Variants in EPHA6 observed in about 807,000 individuals in gnomAD.
EPHA6 encodes the protein ephrin type-A receptor 6.
EPHA6 carries 50 observed loss-of-function variants against 112.0 expected under a neutral mutation model. That is an observed-to-expected ratio of 0.45 (90% CI 0.36 to 0.56). The LOEUF (loss-of-function observed/expected upper bound fraction) is 0.56, where lower values mean the gene tolerates loss of function less well. EPHA6 is among the 20% of genes least tolerant of loss of function. EPHA6 has a pLI of 0.00. For synonymous variants in EPHA6, 529 were observed against 490.7 expected, an observed-to-expected ratio of 1.08 and a Z score of -1.03; for missense variants, 1,280 against 1,417.4, an observed-to-expected ratio of 0.90 and a Z score of 1.56.
intron 3 of EPHA6, among the ~76,000 whole-genome samples, chr3:97,047,225 G>A (rs1373792627): frequency 6.6e-6 from 1 of 151,976 alleles, no homozygotes; most frequent in Admixed American, 6.6e-5. Flanking sequence ...CAGGGGCCGG[G>A]CACAGTGGCT....
chr3:97,086,238 A>G (rs547409057), intron 3 of EPHA6, among the ~76,000 whole-genome samples: 63 of 152,204 alleles, frequency 4.1e-4, no homozygotes, highest in African/African-American at 1.3e-3. Flanking sequence ...AATATCATTC[A>G]TGTAACAGCT....
chr3:97,382,324 A>G (rs963792821), intron 5 of EPHA6, among the ~76,000 whole-genome samples: 11 of 152,084 alleles, frequency 7.2e-5, no homozygotes, highest in African/African-American at 2.4e-4. Flanking sequence ...CTTTTCTTCA[A>G]TAAGTTCCCA....
At chr3:97,374,650 C>A (rs1332300685) in intron 5 of EPHA6, among the ~76,000 whole-genome samples, 1 of 151,990 alleles carries the variant, frequency 6.6e-6, no homozygotes, top group Non-Finnish European at 1.5e-5. Flanking sequence ...CAACCCTTGT[C>A]CTGCCGCTCG....
intron 9 of EPHA6, chr3:97,481,549 G>T (rs868541238): frequency 2.7e-6 from 2 of 738,296 alleles, no homozygotes; most frequent in African/African-American, 1.8e-5. Context: ...CCCTAGAGCC[G>T]CCGGGGCGCG....
intron 3 of EPHA6, among the ~76,000 whole-genome samples, chr3:97,198,197 T>A (rs1012275228): frequency 1.3e-5 from 2 of 152,160 alleles, no homozygotes; most frequent in African/African-American, 2.4e-5. Context: ...TTCAATTTCC[T>A]GTTCCTGCAG....
chr3:96,985,920 C>G (rs16837484), intron 2 of EPHA6, among the ~76,000 whole-genome samples: 1,991 of 152,138 alleles, frequency 0.013, 46 homozygotes, highest in African/African-American at 0.044. Flanking sequence ...AAACTGCAAA[C>G]AGAATGTGTT....
chr3:97,506,220 C>T lies in EPHA6; in HGVS notation c.2200+22161C>T, dbSNP rs533716261. Among the ~76,000 whole-genome samples, 621 of 152,242 alleles carry T rather than the reference C, an allele frequency of 4.1e-3. 4 individuals carry two copies. The highest frequency in any genetic ancestry group is 0.014 in the African/African-American group (563 of 41,534). ...CATTTGTCTATTTTGGCTTTTGTTG[C>T]CATTGCTTTTGGTGTTTTCGTCATG... On this transcript the variant is annotated intron_variant, in intron 10 of 17. Transcript: ENST00000389672.
intron 11 of EPHA6, among the ~76,000 whole-genome samples, chr3:97,557,194 C>G (rs1407321961): frequency 6.6e-6 from 1 of 151,870 alleles, no homozygotes; most frequent in Non-Finnish European, 1.5e-5. Context: ...AAATTACTTT[C>G]CAAAGTGTTG....
intron 5 of EPHA6, among the ~76,000 whole-genome samples, chr3:97,307,660 G>A (rs866321280): frequency 3.4e-5 from 5 of 149,146 alleles, no homozygotes; most frequent in South Asian, 2.1e-4. Flanking sequence ...CAGATTTATG[G>A]CACTTTTTCT....
chr3:97,365,211 T>C (rs1275231374), intron 5 of EPHA6, among the ~76,000 whole-genome samples: 1 of 152,190 alleles, frequency 6.6e-6, no homozygotes, highest in Non-Finnish European at 1.5e-5. Context: ...CAGTACGATG[T>C]TGATTTTACT....
At chr3:97,528,582 T>A (rs1035186185) in intron 10 of EPHA6, among the ~76,000 whole-genome samples, 5 of 152,108 alleles carry the variant, frequency 3.3e-5, no homozygotes, top group African/African-American at 4.8e-5. Flanking sequence ...GGCTCTTTGC[T>A]TCAATGCTCT....
At chr3:96,965,112 C>G (rs958583466) in intron 2 of EPHA6, among the ~76,000 whole-genome samples, 2 of 152,120 alleles carry the variant, frequency 1.3e-5, no homozygotes, top group Non-Finnish European at 1.5e-5. Flanking sequence ...AGTTTGAACA[C>G]TTAGCAGCCT....
intron 11 of EPHA6, among the ~76,000 whole-genome samples, chr3:97,563,140 G>T (rs528880323): frequency 6.6e-6 from 1 of 152,018 alleles, no homozygotes; most frequent in Non-Finnish European, 1.5e-5. Flanking sequence ...AGGTATTCTT[G>T]TAATGCGTAA....
chr3:97,495,170 A>G (rs922506611), intron 10 of EPHA6, among the ~76,000 whole-genome samples: 9 of 152,090 alleles, frequency 5.9e-5, no homozygotes, highest in Non-Finnish European at 1.0e-4. Flanking sequence ...GTTTCTATTA[A>G]GCCAGGCCTA....
chr3:97,289,290 T>C (rs576343814), intron 5 of EPHA6, among the ~76,000 whole-genome samples: 5 of 152,202 alleles, frequency 3.3e-5, no homozygotes, highest in Non-Finnish European at 7.4e-5. Flanking sequence ...ATTTCATTCT[T>C]CTGCATATGG....
intron 11 of EPHA6, among the ~76,000 whole-genome samples, chr3:97,541,577 T>A (rs2092851753): frequency 6.6e-6 from 1 of 152,128 alleles, no homozygotes; most frequent in South Asian, 2.1e-4. Context: ...CCACACTGCA[T>A]TTTGTTATCA....
chr3:97,572,030 T>C, intron 11 of EPHA6, among the ~76,000 whole-genome samples: 1 of 152,164 alleles, frequency 6.6e-6, no homozygotes, highest in Non-Finnish European at 1.5e-5. Flanking sequence ...TCTATGTATA[T>C]AATGCAAGCT....
intron 3 of EPHA6, among the ~76,000 whole-genome samples, chr3:97,073,694 A>G (rs2046427597): frequency 6.6e-6 from 1 of 152,136 alleles, no homozygotes; most frequent in Non-Finnish European, 1.5e-5. Flanking sequence ...AAAGCATATG[A>G]TATAAATCGC....
At chr3:97,277,272 G>T (rs1016039434) in intron 5 of EPHA6, among the ~76,000 whole-genome samples, 2 of 152,048 alleles carry the variant, frequency 1.3e-5, no homozygotes, top group Non-Finnish European at 2.9e-5. Flanking sequence ...ATAAGATTTG[G>T]GTAGGTAAAG....
Sources: allele counts gnomAD v4.1 joint callset (sites outside exome capture counted in the v4.1 genomes callset), GRCh38; gene constraint gnomAD v4.1.1; transcripts MANE v1.5; gene names NCBI Gene and HGNC (gene_info 2026-07-23, HGNC 2026-07-21).